Variants in ATP2B4 observed in about 807,000 individuals in gnomAD.
ATP2B4 encodes the protein plasma membrane calcium-transporting ATPase 4.
A neutral mutation model predicts 110.3 loss-of-function variants in ATP2B4; 39 were observed. The observed-to-expected ratio is 0.35, with a 90% confidence interval of 0.27 to 0.46. ATP2B4 has a LOEUF of 0.46. Among genes scored for constraint, ATP2B4 ranks in the 20% least tolerant of loss-of-function variants. The pLI is 1.00. For missense variants in ATP2B4, 1,135 were observed against 1,530.9 expected (o/e 0.74, Z 4.32); for synonymous variants, 538 against 571.7 (o/e 0.94, Z 0.84).
intron 2 of ATP2B4, among the ~76,000 whole-genome samples, chr1:203,685,009 A>AT (rs1364710137): frequency 6.6e-6 from 1 of 152,044 alleles, no homozygotes; most frequent in Admixed American, 6.6e-5. Context: ...GGTTACAGGC[A>AT]TGTGGCTAAT....
intron 2 of ATP2B4, among the ~76,000 whole-genome samples, chr1:203,695,192 C>T (rs1167296032): frequency 6.6e-6 from 1 of 152,176 alleles, no homozygotes; most frequent in African/African-American, 2.4e-5. Context: ...TGAGAAGCGT[C>T]CCAGGTAGCT....
At chr1:203,733,459 G>A in intron 20 of ATP2B4, 1 of 1,448,916 alleles carries the variant, frequency 6.9e-7, no homozygotes, top group South Asian at 1.4e-5. Flanking sequence ...AGAGCACGTG[G>A]CATCCACTTT....
At chr1:203,646,950 AT>A (rs1663819968) in intron 1 of ATP2B4, among the ~76,000 whole-genome samples, 1 of 152,068 alleles carries the variant, frequency 6.6e-6, no homozygotes, top group African/African-American at 2.4e-5. Flanking sequence ...GAGTATATAC[AT>A]TTTTTAAACA....
intron 2 of ATP2B4, among the ~76,000 whole-genome samples, chr1:203,694,899 A>G (rs1223827500): frequency 6.6e-6 from 1 of 152,118 alleles, no homozygotes; most frequent in African/African-American, 2.4e-5. Flanking sequence ...CTTTAGATAT[A>G]TTTTGAAGCT....
chr1:203,683,457 G>T, intron 2 of ATP2B4, 59 bp downstream of exon 2: 1 of 1,488,792 alleles, frequency 6.7e-7, no homozygotes, highest in Non-Finnish European at 9.0e-7. Flanking sequence ...TCAAAATATT[G>T]TTTTCCCAGC....
intron 20 of ATP2B4, among the ~76,000 whole-genome samples, chr1:203,737,241 G>T (rs763772176): frequency 6.6e-6 from 1 of 152,168 alleles, no homozygotes; most frequent in Non-Finnish European, 1.5e-5. Flanking sequence ...GACTTCACAT[G>T]TAATTTTTTC....
At chr1:203,735,543 T>A (rs1666857546) in intron 20 of ATP2B4, among the ~76,000 whole-genome samples, 1 of 152,144 alleles carries the variant, frequency 6.6e-6, no homozygotes, top group Non-Finnish European at 1.5e-5. Context: ...AGTTGCCTTG[T>A]CTGTGGTTCA....
At chr1:203,698,488 G>A in intron 3 of ATP2B4, 134 bp downstream of exon 3, 1 of 939,896 alleles carries the variant, frequency 1.1e-6, no homozygotes, top group Non-Finnish European at 1.6e-6. Context: ...GCTTTCCAAA[G>A]GAAACCAAGC....
chr1:203,733,349 A>G, intron 20 of ATP2B4: 1 of 1,614,150 alleles, frequency 6.2e-7, no homozygotes, highest in Non-Finnish European at 8.5e-7. Context: ...TGCACCAGTC[A>G]AATCTTCCCC....
chr1:203,700,255 G>T lies in ATP2B4; in HGVS notation c.699G>T (p.Lys233Asn). The T allele has an allele frequency of 6.2e-7, 1 of 1,614,036 alleles. No homozygotes were observed. Among genetic ancestry groups the T allele is most frequent in the Non-Finnish European group, 8.5e-7 (1 of 1,179,934 alleles). ...DGILIQGNDL[K>N]IDESSLTGES... ...TCCTGATCCAAGGGAATGATCTGAA[G>T]ATTGATGAGAGCTCTCTGACAGGGG... Residue 233 changes from lysine (K) to asparagine (N), a missense_variant, in exon 5 of 21, where the codon AAG becomes AAT. Coordinates refer to ENST00000357681, the MANE Select transcript of ATP2B4 (RefSeq NM_001684.5).
chr1:203,662,789 T>C (rs1003401879), intron 1 of ATP2B4, among the ~76,000 whole-genome samples: 3 of 152,210 alleles, frequency 2.0e-5, no homozygotes, highest in African/African-American at 4.8e-5. Flanking sequence ...GCCTACTCTT[T>C]CCTTGTAGCA....
intron 2 of ATP2B4, among the ~76,000 whole-genome samples, chr1:203,689,875 G>A (rs1357742650): frequency 6.6e-6 from 1 of 152,204 alleles, no homozygotes; most frequent in Non-Finnish European, 1.5e-5. Flanking sequence ...GGGAGGGGAA[G>A]GGGGCTTAGA....
At chr1:203,675,917 G>C (rs909368624) in intron 1 of ATP2B4, among the ~76,000 whole-genome samples, 22 of 152,282 alleles carry the variant, frequency 1.4e-4, no homozygotes, top group African/African-American at 5.1e-4. Context: ...GGACTATAGG[G>C]GGGAGAGGGA....
intron 3 of ATP2B4, 85 bp from the exon 4 acceptor site, chr1:203,699,375 T>G (rs1361923844): frequency 1.9e-6 from 3 of 1,553,068 alleles, no homozygotes; most frequent in East Asian, 4.5e-5. Context: ...ACTTTCTATC[T>G]TGGGGTGATT....
chr1:203,705,924 G>A (rs902310925), intron 8 of ATP2B4, among the ~76,000 whole-genome samples: 4 of 152,148 alleles, frequency 2.6e-5, no homozygotes, highest in East Asian at 1.9e-4. Context: ...AGCAAAGAAC[G>A]GAAGAATTTG....
intron 2 of ATP2B4, among the ~76,000 whole-genome samples, chr1:203,691,546 A>AGCAT (rs972985084): frequency 3.3e-5 from 5 of 152,178 alleles, no homozygotes; most frequent in Non-Finnish European, 7.4e-5. Flanking sequence ...GATAAAGGGA[A>AGCAT]GCATGCCCTG....
At chr1:203,735,776 T>C (rs1666863313) in intron 20 of ATP2B4, among the ~76,000 whole-genome samples, 1 of 152,240 alleles carries the variant, frequency 6.6e-6, no homozygotes, top group South Asian at 2.1e-4. Flanking sequence ...CTTTTTTCCT[T>C]CTAGTTCTGC....
chr1:203,719,044 G>A (rs909474909), intron 15 of ATP2B4, among the ~76,000 whole-genome samples: 1 of 151,552 alleles, frequency 6.6e-6, no homozygotes, highest in South Asian at 2.1e-4. Context: ...GGACAATATA[G>A]TGAGACTCCC....
chr1:203,632,862 G>T (rs978074316), intron 1 of ATP2B4, among the ~76,000 whole-genome samples: 1 of 152,108 alleles, frequency 6.6e-6, no homozygotes, highest in Non-Finnish European at 1.5e-5. Context: ...TCTCACTATG[G>T]AAAAAGAGAG....
Sources: allele counts gnomAD v4.1 joint callset (sites outside exome capture counted in the v4.1 genomes callset), GRCh38; gene constraint gnomAD v4.1.1; transcripts MANE v1.5; gene names NCBI Gene and HGNC (gene_info 2026-07-23, HGNC 2026-07-21).